FOXP1: variants seen among roughly 807,000 people sequenced by gnomAD.
FOXP1 encodes the protein forkhead box protein P1.
Under a neutral mutation model 98.2 loss-of-function variants are expected in FOXP1, and 15 were observed. The ratio of observed to expected loss-of-function variants is 0.15; its 90% CI spans 0.10 to 0.24. The LOEUF (loss-of-function observed/expected upper bound fraction) is 0.24, where lower values mean the gene tolerates loss of function less well. Among genes scored for constraint, FOXP1 ranks in the 10% least tolerant of loss-of-function variants. The pLI is 1.00. For missense variants in FOXP1, 633 were observed against 848.5 expected (o/e 0.75, Z 3.15); for synonymous variants, 371 against 314.5 (o/e 1.18, Z -1.90).
At chr3:71,237,234 A>C (rs1394426277) in intron 5 of FOXP1, among the ~76,000 whole-genome samples, 1 of 73,076 alleles carries the variant, frequency 1.4e-5, no homozygotes, top group Admixed American at 1.8e-4. Context: ...TCCATCTGAA[A>C]AAAAAAAAAA....
chr3:71,441,205 A>G (rs1242075120), intron 3 of FOXP1, among the ~76,000 whole-genome samples: 1 of 152,216 alleles, frequency 6.6e-6, no homozygotes, highest in Non-Finnish European at 1.5e-5. Flanking sequence ...CCTAGGTGGG[A>G]CTGTACTATG....
intron 2 of FOXP1, among the ~76,000 whole-genome samples, chr3:71,525,100 A>C (rs1170212898): frequency 6.6e-6 from 1 of 152,242 alleles, no homozygotes; most frequent in Non-Finnish European, 1.5e-5. Flanking sequence ...TGCAGGGTCC[A>C]AATTGAAATG....
chr3:71,386,127 T>C (rs1280296863), intron 3 of FOXP1, among the ~76,000 whole-genome samples: 1 of 152,162 alleles, frequency 6.6e-6, no homozygotes, highest in Non-Finnish European at 1.5e-5. Flanking sequence ...CATCACTGCC[T>C]TTCCAATCTC....
intron 3 of FOXP1, among the ~76,000 whole-genome samples, chr3:71,382,574 C>T (rs1433086630): frequency 2.6e-5 from 4 of 152,156 alleles, no homozygotes; most frequent in Admixed American, 2.6e-4. Context: ...TTCCCTTTTC[C>T]ACTCTCCTGC....
chr3:71,464,989 T>C lies in FOXP1; in HGVS notation c.-168+28437A>G, dbSNP rs1006977240. Among the ~76,000 whole-genome samples, 3 of 151,850 alleles carry C rather than the reference T, an allele frequency of 2.0e-5. No individual in the cohort carries two copies. The South Asian group carries it at 6.2e-4, about 32-fold the overall frequency. On this transcript the variant is annotated intron_variant, in intron 3 of 20. Coordinates refer to ENST00000649528, the MANE Select transcript of FOXP1 (RefSeq NM_001349338.3). ...GGTTTTCTACCATGTGTGGATCCAGTGAGCTATTGTAAGCACTTAGAAGAT... is the reference window on the plus strand; with the variant it reads ...GGTTTTCTACCATGTGTGGATCCAGCGAGCTATTGTAAGCACTTAGAAGAT...
intron 6 of FOXP1, among the ~76,000 whole-genome samples, chr3:71,115,048 T>A (rs563862197): frequency 9.2e-5 from 14 of 152,250 alleles, no homozygotes; most frequent in African/African-American, 2.9e-4. Context: ...GAAAGGGAAC[T>A]GTTATATATT....
intron 6 of FOXP1, among the ~76,000 whole-genome samples, chr3:71,136,819 C>CAACA (rs1553755067): frequency 6.7e-6 from 1 of 149,102 alleles, no homozygotes; most frequent in East Asian, 2.0e-4. Context: ...AGAAATACAA[C>CAACA]AAAAAAAAAA....
intron 5 of FOXP1, among the ~76,000 whole-genome samples, chr3:71,246,247 G>T (rs2067739678): frequency 6.6e-6 from 1 of 152,192 alleles, no homozygotes; most frequent in Non-Finnish European, 1.5e-5. Flanking sequence ...TTCGGTAGCG[G>T]CCAGCCCTCG....
intron 3 of FOXP1, among the ~76,000 whole-genome samples, chr3:71,467,745 T>C (rs1159670340): frequency 6.6e-6 from 1 of 152,198 alleles, no homozygotes; most frequent in Non-Finnish European, 1.5e-5. Flanking sequence ...TGGAGCCCAG[T>C]AATTCTCATA....
At chr3:71,190,638 CAAAAAAAAAAA>C (rs55747148) in intron 6 of FOXP1, among the ~76,000 whole-genome samples, 1 of 43,496 alleles carries the variant, frequency 2.3e-5, no homozygotes, top group Non-Finnish European at 4.2e-5. Context: ...ACCCCATCTC[CAAAAAAAAAAA>C]AAAAAAAAAA....
At chr3:71,357,002 C>T (rs1286154027) in intron 4 of FOXP1, among the ~76,000 whole-genome samples, 1 of 152,192 alleles carries the variant, frequency 6.6e-6, no homozygotes, top group Non-Finnish European at 1.5e-5. Context: ...GTGCACCCCA[C>T]TCCCACGGTA....
intron 4 of FOXP1, among the ~76,000 whole-genome samples, chr3:71,304,283 A>G (rs561623784): frequency 6.6e-6 from 1 of 152,224 alleles, no homozygotes; most frequent in African/African-American, 2.4e-5. Flanking sequence ...CTTACAGAAA[A>G]GGAAAACCCT....
chr3:71,456,232 G>C (rs143972549), intron 3 of FOXP1, among the ~76,000 whole-genome samples: 26 of 152,076 alleles, frequency 1.7e-4, no homozygotes, highest in Middle Eastern at 3.4e-3. Flanking sequence ...CAAAGCACAG[G>C]GCAGCAGGCA....
At chr3:70,991,152 A>G (rs997412393) in intron 13 of FOXP1, among the ~76,000 whole-genome samples, 9 of 151,948 alleles carry the variant, frequency 5.9e-5, no homozygotes, top group African/African-American at 2.2e-4. Context: ...CAGGGGTTCA[A>G]TGGAGTTTGC....
At chr3:71,018,118 T>C (rs1197706671) in intron 11 of FOXP1, among the ~76,000 whole-genome samples, 1 of 152,202 alleles carries the variant, frequency 6.6e-6, no homozygotes, top group African/African-American at 2.4e-5. Flanking sequence ...TAGCAGGGTT[T>C]TGGACTCGAA....
At chr3:71,339,045 A>G (rs920364488) in intron 4 of FOXP1, among the ~76,000 whole-genome samples, 4 of 152,226 alleles carry the variant, frequency 2.6e-5, no homozygotes, top group African/African-American at 9.6e-5. Context: ...CTGATCTCAG[A>G]AAGTCCATCA....
chr3:71,452,463 T>C (rs2087045016), intron 3 of FOXP1, among the ~76,000 whole-genome samples: 1 of 152,168 alleles, frequency 6.6e-6, no homozygotes, highest in Non-Finnish European at 1.5e-5. Flanking sequence ...CAAGGCAAGA[T>C]AGGGACAATT....
At chr3:71,241,898 C>T (rs1399111415) in intron 5 of FOXP1, among the ~76,000 whole-genome samples, 1 of 152,020 alleles carries the variant, frequency 6.6e-6, no homozygotes. Flanking sequence ...ACTCTCTAAA[C>T]AAATATATGT....
intron 5 of FOXP1, among the ~76,000 whole-genome samples, chr3:71,238,463 A>G (rs1267417666): frequency 6.6e-6 from 1 of 152,078 alleles, no homozygotes; most frequent in Non-Finnish European, 1.5e-5. Context: ...TCTACAAGGA[A>G]AGGGAAGATT....
Sources: allele counts gnomAD v4.1 joint callset (sites outside exome capture counted in the v4.1 genomes callset), GRCh38; gene constraint gnomAD v4.1.1; transcripts MANE v1.5; gene names NCBI Gene and HGNC (gene_info 2026-07-23, HGNC 2026-07-21).